The following C6 variants were observed in gnomAD, a reference collection of about 807,000 sequenced individuals.
The protein encoded by C6 is complement C6.
In C6, 101 loss-of-function variants were observed where a neutral mutation model predicts 112.9. The ratio of observed to expected loss-of-function variants is 0.89; its 90% CI spans 0.76 to 1.06. The LOEUF (loss-of-function observed/expected upper bound fraction) is 1.06. Among genes scored for constraint, C6 ranks in the 50% least tolerant of loss-of-function variants. The probability of loss-of-function intolerance (pLI) is 0.00; values close to 1 mark genes in which losing one functional copy is unlikely to be tolerated. For synonymous variants in C6, 431 were observed against 384.1 expected, an observed-to-expected ratio of 1.12 and a Z score of -1.43; for missense variants, 1,202 against 1,104.6, an observed-to-expected ratio of 1.09 and a Z score of -1.25.
chr5:41,244,035 G>A (rs1374754974), intron 1 of C6, among the ~76,000 whole-genome samples: 1 of 152,134 alleles, frequency 6.6e-6, no homozygotes, highest in African/African-American at 2.4e-5. Context: ...CACCATCCAT[G>A]TAAACTACAT....
At chr5:41,219,628 A>C (rs1298126294) in intron 1 of C6, among the ~76,000 whole-genome samples, 1 of 152,168 alleles carries the variant, frequency 6.6e-6, no homozygotes, top group Non-Finnish European at 1.5e-5. Context: ...TGAAGAAAAG[A>C]AGGAAGAAAT....
At chr5:41,234,047 C>G (rs1740076546) in intron 1 of C6, among the ~76,000 whole-genome samples, 1 of 151,952 alleles carries the variant, frequency 6.6e-6, no homozygotes, top group Non-Finnish European at 1.5e-5. Flanking sequence ...GATGAGTGAA[C>G]TTTGCTTAAC....
chr5:41,165,294 G>A (rs1391208350), intron 9 of C6, among the ~76,000 whole-genome samples: 1 of 152,106 alleles, frequency 6.6e-6, no homozygotes, highest in Non-Finnish European at 1.5e-5. Flanking sequence ...ATATCTATTA[G>A]TAGAGTTTCT....
chr5:41,238,673 T>A (rs1227971720), intron 1 of C6, among the ~76,000 whole-genome samples: 2 of 152,218 alleles, frequency 1.3e-5, no homozygotes, highest in Non-Finnish European at 2.9e-5. Flanking sequence ...TATGGTGTAA[T>A]ATCTGACATC....
chr5:41,243,521 A>AT (rs557099403), intron 1 of C6, among the ~76,000 whole-genome samples: 10 of 152,116 alleles, frequency 6.6e-5, no homozygotes, highest in South Asian at 4.2e-4. Context: ...TGCTTTACAC[A>AT]TTTTTTTTAA....
chr5:41,213,368 T>TAG lies in C6; in HGVS notation c.-21+7_-21+8insCT. On this transcript the variant is annotated splice_region_variant and intron_variant, in intron 1 of 17. Coordinates refer to ENST00000337836, the MANE Select transcript of C6 (RefSeq NM_000065.5). ...TAAGATTGAAAATGAAATCATCATA[T>TAG]TACTCACCTTTAAGCAGAGTTTGTG... 1.0e-6 allele frequency: 1 copy of TAG among 971,260 alleles called. No homozygotes were observed. Among genetic ancestry groups the TAG allele is most frequent in the Non-Finnish European group, 1.2e-6 (1 of 817,080 alleles). The allele number at this position is 971,260 out of a possible 1,614,324, so 60.2% of individuals were successfully genotyped here. A position where few individuals can be genotyped will look rare whatever the true frequency, so the allele number is the denominator to read the frequency against.
At chr5:41,249,077 C>A (rs1741187684) in intron 1 of C6, among the ~76,000 whole-genome samples, 1 of 152,114 alleles carries the variant, frequency 6.6e-6, no homozygotes, top group African/African-American at 2.4e-5. Context: ...ACTGTATATT[C>A]TCACTTCTAA....
intron 1 of C6, among the ~76,000 whole-genome samples, chr5:41,256,455 A>G (rs1741712593): frequency 6.6e-6 from 1 of 150,498 alleles, no homozygotes; most frequent in African/African-American, 2.4e-5. Context: ...AAAAAAAAAA[A>G]AAAAGAGTCT....
In C6 at chr5:41,213,511, T is replaced by C. The variant is rs1020990139; in HGVS notation, c.-156A>G. 4.1e-6 allele frequency: 4 copies of C among 985,230 alleles called. No individual in the cohort carries two copies. Among genetic ancestry groups the C allele is most frequent in the Admixed American group, 1.2e-4 (2 of 16,240 alleles). The allele number at this position is 985,230 out of a possible 1,614,324, so 61.0% of individuals were successfully genotyped here. Reference sequence around the variant, plus strand: ...CTTATTGCTAGCTAACACAAGGCAATGCTGTCATATCCCAGAAGCCTAGCA... The same window carrying C: ...CTTATTGCTAGCTAACACAAGGCAACGCTGTCATATCCCAGAAGCCTAGCA... On this transcript the variant is annotated 5_prime_UTR_variant, in exon 1 of 18. Coordinates refer to ENST00000337836, the MANE Select transcript of C6 (RefSeq NM_000065.5).
chr5:41,159,271 T>A lies in C6; in HGVS notation c.1685-18A>T, dbSNP rs1356533821. 3 of 1,611,412 alleles carry A rather than the reference T, an allele frequency of 1.9e-6. No homozygotes were observed. The Admixed American group carries it at 5.0e-5, about 27-fold the overall frequency. On this transcript the variant is annotated intron_variant, in intron 11 of 17. Coordinates refer to ENST00000337836, the MANE Select transcript of C6 (RefSeq NM_000065.5). ...TACTGCATCTGGAACAAAGGAAGAC[T>A]CACTCCCATGGATCATGGTGCAGCT...
At chr5:41,186,243 T>C in intron 5 of C6, 35 bp from the exon 6 acceptor site, 1 of 1,610,828 alleles carries the variant, frequency 6.2e-7, no homozygotes, top group East Asian at 2.2e-5. Flanking sequence ...ATTCAACAGA[T>C]GTAGAACAAT....
intron 1 of C6, among the ~76,000 whole-genome samples, chr5:41,234,825 G>A (rs1185249758): frequency 6.6e-6 from 1 of 152,088 alleles, no homozygotes; most frequent in South Asian, 2.1e-4. Flanking sequence ...GATAAAATAT[G>A]AAGGCACATT....
At chr5:41,203,509 A>G (rs1488120507) in intron 1 of C6, 1 of 434,380 alleles carries the variant, frequency 2.3e-6, no homozygotes, top group African/African-American at 2.0e-5. Context: ...AGGCTACAAG[A>G]CAAAGTATGT....
chr5:41,252,895 T>G (rs1180309236), intron 1 of C6, among the ~76,000 whole-genome samples: 1 of 152,144 alleles, frequency 6.6e-6, no homozygotes, highest in East Asian at 1.9e-4. Flanking sequence ...TACCTCACAT[T>G]TATTGATTTA....
intron 8 of C6, chr5:41,172,666 T>C: frequency 2.3e-6 from 1 of 433,944 alleles, no homozygotes; most frequent in Non-Finnish European, 4.3e-6. Flanking sequence ...GCCTGCCACT[T>C]GTTGCCACTT....
At chr5:41,163,310 C>CT (rs35341613) in intron 9 of C6, among the ~76,000 whole-genome samples, 1,886 of 134,544 alleles carry the variant, frequency 0.014, 41 homozygotes, top group African/African-American at 0.032. Context: ...TATCAATGAA[C>CT]TTTTTTTTTT....
intron 1 of C6, among the ~76,000 whole-genome samples, chr5:41,234,831 A>T (rs1899948): frequency 3.3e-5 from 5 of 151,916 alleles, no homozygotes; most frequent in South Asian, 4.2e-4. Context: ...ATATGAAGGC[A>T]CATTTGTAAA....
chr5:41,226,961 G>A (rs1326940916), intron 1 of C6, among the ~76,000 whole-genome samples: 2 of 151,936 alleles, frequency 1.3e-5, no homozygotes, highest in Non-Finnish European at 2.9e-5. Flanking sequence ...TATTTCCTTT[G>A]GATGTATACT....
At position 41,149,411 on chromosome 5, in the gene C6, A is replaced by G. The variant is rs767251142; in HGVS notation, c.2453T>C (p.Phe818Ser). 7 of 1,614,126 alleles carry G rather than the reference A, an allele frequency of 4.3e-6. No homozygotes were observed. The East Asian group carries it at 1.3e-4, about 31-fold the overall frequency. ...ATTATTTAAACATTTCTCAGCCAAAAACTTACAAGCGGGTGAAGTAAAGTA... is the reference window on the plus strand; with the variant it reads ...ATTATTTAAACATTTCTCAGCCAAAGACTTACAAGCGGGTGAAGTAAAGTA... ...NDYFTSPACK[F>S]LAEKCLNNQQ... The change falls in exon 17 of 18, where the codon TTT (phenylalanine) becomes TCT (serine). Residue 818 changes from phenylalanine (F) to serine (S), a missense_variant. Phe to Ser is a radical substitution (Grantham distance 155, BLOSUM62 -2). Coordinates refer to ENST00000337836, the MANE Select transcript of C6 (RefSeq NM_000065.5).
Sources: allele counts gnomAD v4.1 joint callset (sites outside exome capture counted in the v4.1 genomes callset), GRCh38; gene constraint gnomAD v4.1.1; transcripts MANE v1.5; gene names NCBI Gene and HGNC (gene_info 2026-07-23, HGNC 2026-07-21).